The following DPY19L1 variants were observed in gnomAD, a reference collection of about 807,000 sequenced individuals.
The protein encoded by DPY19L1 is protein C-mannosyl-transferase DPY19L1.
A neutral mutation model predicts 96.9 loss-of-function variants in DPY19L1; 35 were observed. The observed-to-expected ratio is 0.36, with a 90% CI of 0.28 to 0.48. The LOEUF (loss-of-function observed/expected upper bound fraction) is 0.48. Ranked by LOEUF, DPY19L1 falls within the 20% of genes least tolerant of loss-of-function variation. The pLI is 0.99. For synonymous variants in DPY19L1, 205 were observed against 252.6 expected (o/e 0.81, Z 1.79); for missense variants, 521 against 777.9 (o/e 0.67, Z 3.93).
intron 3 of DPY19L1, among the ~76,000 whole-genome samples, chr7:35,015,569 T>G (rs1025122131): frequency 6.6e-6 from 1 of 152,256 alleles, no homozygotes; most frequent in East Asian, 1.9e-4. Context: ...TTACCCTGTA[T>G]GGTCTGAAAG....
upstream of DPY19L1, chr7:35,037,744 A>T: frequency 3.0e-6 from 3 of 989,310 alleles, no homozygotes; most frequent in Non-Finnish European, 3.7e-6. Flanking sequence ...CGCGCGCTCC[A>T]GGCCGGCCAG....
intron 10 of DPY19L1, among the ~76,000 whole-genome samples, chr7:34,963,193 C>CA (rs58387078): frequency 0.036 from 2,814 of 77,838 alleles, 73 homozygotes; most frequent in East Asian, 0.058. Flanking sequence ...AGATCTGTCT[C>CA]AAAAAAAAAA....
intron 10 of DPY19L1, among the ~76,000 whole-genome samples, chr7:34,961,446 A>C (rs1363913171): frequency 6.6e-6 from 1 of 152,190 alleles, no homozygotes; most frequent in Non-Finnish European, 1.5e-5. Flanking sequence ...ATCCACATAC[A>C]AAAAAATAAA....
chr7:35,012,877 C>T (rs1475546126), intron 4 of DPY19L1, among the ~76,000 whole-genome samples: 1 of 151,076 alleles, frequency 6.6e-6, no homozygotes. Context: ...CATGAATTGG[C>T]AATTATTTTT....
intron 10 of DPY19L1, among the ~76,000 whole-genome samples, chr7:34,963,816 A>C (rs1784555863): frequency 1.3e-5 from 2 of 152,224 alleles, no homozygotes; most frequent in African/African-American, 4.8e-5. Context: ...ACAGTAGGCT[A>C]ATTGAAATAG....
Position 34,937,846 on chromosome 7 carries a change from G to A in DPY19L1, c.2090+148C>T, listed in dbSNP as rs185494740. ...TGCACTCCAGCCTGGGCAACAGAGT[G>A]AGAGCCTGTTTAAAAAAAAAAGAAG... On this transcript the variant is annotated intron_variant, in intron 21 of 21. Transcript: ENST00000638088. 6.3e-5 allele frequency: 47 copies of A among 749,492 alleles called. No homozygotes were observed. The East Asian group carries it at 1.2e-3, about 19-fold the overall frequency. 46.4% of individuals were successfully genotyped at this position (749,492 alleles called of 1,614,324 possible).
chr7:34,941,307 A>G (rs1182719426), intron 18 of DPY19L1, among the ~76,000 whole-genome samples: 1 of 152,186 alleles, frequency 6.6e-6, no homozygotes, highest in Non-Finnish European at 1.5e-5. Flanking sequence ...CAAACCACCA[A>G]GGAAGGCTTA....
chr7:34,972,491 G>A (rs1350918044), intron 8 of DPY19L1, among the ~76,000 whole-genome samples: 2 of 152,112 alleles, frequency 1.3e-5, no homozygotes, highest in Non-Finnish European at 2.9e-5. Context: ...AAGCAGGAAG[G>A]AACTAGAGAC....
intron 1 of DPY19L1, among the ~76,000 whole-genome samples, chr7:35,019,471 G>A (rs1417521348): frequency 6.7e-6 from 1 of 148,278 alleles, no homozygotes; most frequent in Non-Finnish European, 1.5e-5. Flanking sequence ...ACAAAAGAAA[G>A]AGAAAAAGAA....
chr7:34,994,865 G>A lies in DPY19L1; in HGVS notation c.765-4924C>T, dbSNP rs1447134002. 6.6e-5 allele frequency among the ~76,000 whole-genome samples: 10 copies of A among 151,806 alleles called. No individual in the cohort carries two copies. In the South Asian group the frequency reaches 1.2e-3, roughly 19 times the overall value. On this transcript the variant is annotated intron_variant, in intron 6 of 21. Coordinates refer to ENST00000638088, the MANE Select transcript of DPY19L1 (RefSeq NM_001366673.1). Reference sequence around the variant, plus strand: ...CAGGATGAGGTTTGCCTAAGAAGTCGCATACCCTCACTCAGTTGCCATACA... The same window carrying A: ...CAGGATGAGGTTTGCCTAAGAAGTCACATACCCTCACTCAGTTGCCATACA...
At chr7:34,974,204 T>C (rs1784785807) in intron 7 of DPY19L1, among the ~76,000 whole-genome samples, 1 of 152,180 alleles carries the variant, frequency 6.6e-6, no homozygotes, top group Non-Finnish European at 1.5e-5. Flanking sequence ...TTGGACATAA[T>C]TAAGCAATGT....
intron 7 of DPY19L1, among the ~76,000 whole-genome samples, chr7:34,978,791 G>A (rs1452271995): frequency 2.6e-5 from 4 of 152,022 alleles, no homozygotes; most frequent in Non-Finnish European, 4.4e-5. Flanking sequence ...ATTGAGCATC[G>A]CTAATCCAAA....
At chr7:35,023,099 G>A (rs567503166) in intron 1 of DPY19L1, among the ~76,000 whole-genome samples, 12 of 152,210 alleles carry the variant, frequency 7.9e-5, no homozygotes, top group South Asian at 2.1e-4. Context: ...ATGTCTGGCC[G>A]GTAGAGAGCA....
rs184170416 is a variant in DPY19L1 at position 35,033,457 on chromosome 7, C to T, written c.298+3640G>A. 7.2e-5 allele frequency among the ~76,000 whole-genome samples: 11 copies of T among 152,244 alleles called. No individual in the cohort carries two copies. The South Asian group carries it at 1.9e-3, about 26-fold the overall frequency. ...ACCAACTAGCATCTGGCTTAGTAGA[C>T]GCTCAATGATATGGTATGACTGACT... On this transcript the variant is annotated intron_variant, in intron 1 of 21. Coordinates refer to ENST00000638088, the MANE Select transcript of DPY19L1 (RefSeq NM_001366673.1).
At position 34,937,329 on chromosome 7, in the gene DPY19L1, C is replaced by T. The variant is rs1352929814; in HGVS notation, c.2090+665G>A. 3.9e-5 allele frequency among the ~76,000 whole-genome samples: 6 copies of T among 152,178 alleles called. 1 individual carries two copies. Among genetic ancestry groups the T allele is most frequent in the Admixed American group, 3.9e-4 (6 of 15,276 alleles). ...GTTTTTGCTGACAGGGTATCCCATCCATCGACAGGACATGGTGTAGCACAG... is the reference window on the plus strand; with the variant it reads ...GTTTTTGCTGACAGGGTATCCCATCTATCGACAGGACATGGTGTAGCACAG... On this transcript the variant is annotated intron_variant, in intron 21 of 21. Coordinates refer to ENST00000638088, the MANE Select transcript of DPY19L1 (RefSeq NM_001366673.1).
At chr7:35,027,325 C>T (rs1216342764) in intron 1 of DPY19L1, among the ~76,000 whole-genome samples, 1 of 152,136 alleles carries the variant, frequency 6.6e-6, no homozygotes, top group Non-Finnish European at 1.5e-5. Flanking sequence ...TTGTACTCTC[C>T]CAGGTGGACT....
intron 7 of DPY19L1, among the ~76,000 whole-genome samples, chr7:34,977,827 G>C (rs890134796): frequency 6.6e-6 from 1 of 151,908 alleles, no homozygotes. Context: ...TCAAAAAAGG[G>C]TTATACAAAT....
At chr7:35,022,075 T>C (rs561549247) in intron 1 of DPY19L1, among the ~76,000 whole-genome samples, 3 of 149,974 alleles carry the variant, frequency 2.0e-5, no homozygotes, top group African/African-American at 7.3e-5. Context: ...TAAAGAGCTT[T>C]TCTAGCCTTC....
At chr7:34,949,204 AG>A (rs2128784123) in intron 14 of DPY19L1, among the ~76,000 whole-genome samples, 1 of 152,332 alleles carries the variant, frequency 6.6e-6, no homozygotes, top group Admixed American at 6.5e-5. Context: ...AAAATATCAA[AG>A]TACTTTCCTT....
Sources: gnomAD v4.1 joint callset for allele counts (sites outside exome capture counted in the v4.1 genomes callset) on GRCh38, gnomAD v4.1.1 for gene constraint, MANE v1.5 for transcripts, NCBI Gene and HGNC (gene_info 2026-07-23, HGNC 2026-07-21) for gene names.